Variants in NPAS3 observed in about 807,000 individuals in gnomAD.
The protein encoded by NPAS3 is neuronal PAS domain protein 3.
In NPAS3, 14 loss-of-function variants were observed where a neutral mutation model predicts 73.1. The ratio of observed to expected loss-of-function variants is 0.19; its 90% CI spans 0.13 to 0.30. NPAS3 has a LOEUF of 0.30. NPAS3 is among the 10% of genes least tolerant of loss of function. NPAS3 has a pLI of 1.00. For synonymous variants in NPAS3, 620 were observed against 541.5 expected, an observed-to-expected ratio of 1.14 and a Z score of -2.01; for missense variants, 1,096 against 1,250.0, an observed-to-expected ratio of 0.88 and a Z score of 1.86.
chr14:33,197,852 C>T (rs529267900), intron 2 of NPAS3, among the ~76,000 whole-genome samples: 27 of 152,346 alleles, frequency 1.8e-4, no homozygotes, highest in Non-Finnish European at 2.9e-5. Context: ...GATTCTTGGT[C>T]TCACTGACTT....
intron 2 of NPAS3, among the ~76,000 whole-genome samples, chr14:33,113,874 T>A (rs1337024456): frequency 2.6e-5 from 4 of 152,194 alleles, no homozygotes; most frequent in African/African-American, 9.6e-5. Context: ...GTTTTTAGCA[T>A]GAAGGTTGTT....
intron 2 of NPAS3, among the ~76,000 whole-genome samples, chr14:33,181,023 C>G (rs1174815881): frequency 6.6e-6 from 1 of 152,010 alleles, no homozygotes; most frequent in African/African-American, 2.4e-5. Flanking sequence ...AGAGCACTCC[C>G]CAGTGAAGGA....
chr14:33,550,094 T>C (rs2055039663), intron 4 of NPAS3, among the ~76,000 whole-genome samples: 1 of 152,092 alleles, frequency 6.6e-6, no homozygotes, highest in Non-Finnish European at 1.5e-5. Context: ...ATATCTCAGC[T>C]CAGTCCTTTC....
At chr14:33,314,951 T>C (rs374330664) in intron 3 of NPAS3, among the ~76,000 whole-genome samples, 2 of 152,120 alleles carry the variant, frequency 1.3e-5, no homozygotes, top group East Asian at 3.9e-4. Flanking sequence ...TTTCATGAGG[T>C]TTATAATGTG....
chr14:33,801,076 C>G (rs747538688), exon 12 of NPAS3: 6 of 1,592,524 alleles, frequency 3.8e-6, no homozygotes, highest in Non-Finnish European at 5.1e-6. Flanking sequence ...ACGGCATCCA[C>G]GCGGCACAGA....
intron 2 of NPAS3, among the ~76,000 whole-genome samples, chr14:33,059,121 A>G (rs78002363): frequency 0.018 from 2,732 of 152,294 alleles, 38 homozygotes; most frequent in Middle Eastern, 0.054. Flanking sequence ...AAATATTGCA[A>G]TTCTGGTGCT....
At chr14:33,693,347 G>A in intron 6 of NPAS3, among the ~76,000 whole-genome samples, 1 of 152,194 alleles carries the variant, frequency 6.6e-6, no homozygotes, top group East Asian at 1.9e-4. Context: ...GAAAGCTACA[G>A]TTGCATGCCT....
intron 5 of NPAS3, among the ~76,000 whole-genome samples, chr14:33,573,817 C>G (rs1021019704): frequency 1.3e-5 from 2 of 152,094 alleles, no homozygotes; most frequent in African/African-American, 4.8e-5. Context: ...GGATAGAAAG[C>G]ACCCTCCAAT....
intron 2 of NPAS3, among the ~76,000 whole-genome samples, chr14:33,067,396 TC>T (rs891753771): frequency 1.3e-5 from 2 of 152,230 alleles, no homozygotes; most frequent in African/African-American, 2.4e-5. Flanking sequence ...CAATTAGGTC[TC>T]CCCCTTGGGG....
intron 6 of NPAS3, among the ~76,000 whole-genome samples, chr14:33,701,959 A>C (rs1191082304): frequency 6.6e-6 from 1 of 152,222 alleles, no homozygotes; most frequent in Non-Finnish European, 1.5e-5. Flanking sequence ...ATGTAGAACC[A>C]ACTATATAGG....
At chr14:33,524,901 C>CA (rs1463276341) in intron 4 of NPAS3, among the ~76,000 whole-genome samples, 11 of 152,106 alleles carry the variant, frequency 7.2e-5, no homozygotes, top group Admixed American at 2.0e-4. Flanking sequence ...TATATAGAAA[C>CA]AGTCACATAG....
chr14:33,598,811 T>TA lies in NPAS3; in HGVS notation c.558+38603dup, dbSNP rs1335688873. On this transcript the variant is annotated intron_variant, in intron 5 of 11. Coordinates refer to ENST00000356141, the Ensembl canonical transcript of NPAS3. Reference sequence around the variant, plus strand: ...TTCCATCATTAAATTAACCATGAGTTAATGTGTGACTGTTAAAGAAAACAC... The same window carrying TA: ...TTCCATCATTAAATTAACCATGAGTTAAATGTGTGACTGTTAAAGAAAACAC... Among the ~76,000 whole-genome samples, 10 of 152,316 alleles carry TA rather than the reference T, an allele frequency of 6.6e-5. No individual in the cohort carries two copies. The South Asian group carries it at 1.9e-3, about 28-fold the overall frequency.
At chr14:33,514,441 C>G (rs1442332282) in intron 4 of NPAS3, among the ~76,000 whole-genome samples, 1 of 151,992 alleles carries the variant, frequency 6.6e-6, no homozygotes, top group African/African-American at 2.4e-5. Flanking sequence ...GGATATATAA[C>G]CTTTACCAAG....
chr14:33,700,641 A>G (rs2060500259), intron 6 of NPAS3, among the ~76,000 whole-genome samples: 1 of 152,204 alleles, frequency 6.6e-6, no homozygotes, highest in Admixed American at 6.5e-5. Flanking sequence ...TTAGTTGCTC[A>G]CAAATGGAGG....
intron 1 of NPAS3, among the ~76,000 whole-genome samples, chr14:33,020,927 A>G (rs569651172): frequency 6.6e-6 from 1 of 151,726 alleles, no homozygotes; most frequent in Non-Finnish European, 1.5e-5. Flanking sequence ...CGCCCAGGTA[A>G]TTTTTTGTAT....
intron 7 of NPAS3, among the ~76,000 whole-genome samples, chr14:33,754,324 G>A (rs1443299474): frequency 6.6e-6 from 1 of 152,146 alleles, no homozygotes; most frequent in African/African-American, 2.4e-5. Flanking sequence ...AGCAGAGTAA[G>A]AGCCTTTGGC....
At chr14:33,591,802 AC>A (rs931560360) in intron 5 of NPAS3, among the ~76,000 whole-genome samples, 1 of 152,106 alleles carries the variant, frequency 6.6e-6, no homozygotes, top group African/African-American at 2.4e-5. Context: ...TATGTAACAT[AC>A]CCTTTAACTT....
intron 4 of NPAS3, among the ~76,000 whole-genome samples, chr14:33,423,129 G>A (rs17101078): frequency 0.068 from 10,358 of 152,050 alleles, 423 homozygotes; most frequent in South Asian, 0.15. Flanking sequence ...AAGGCAGGTC[G>A]GAATTCTCCG....
chr14:33,509,511 T>G lies in NPAS3; in HGVS notation c.469-50610T>G, dbSNP rs1035209280. On this transcript the variant is annotated intron_variant, in intron 4 of 11. Coordinates refer to ENST00000356141, the Ensembl canonical transcript of NPAS3. ...TCTGCACCCTTCTCTTCTAGTTCTT[T>G]CTTGTACAAATGACTATATAATTAA... 2.6e-5 allele frequency among the ~76,000 whole-genome samples: 4 copies of G among 152,048 alleles called. No homozygotes were observed. In the East Asian group the frequency reaches 5.8e-4, roughly 22 times the overall value.
Sources: gnomAD v4.1 joint callset for allele counts (sites outside exome capture counted in the v4.1 genomes callset) on GRCh38, gnomAD v4.1.1 for gene constraint, MANE v1.5 for transcripts, NCBI Gene and HGNC (gene_info 2026-07-23, HGNC 2026-07-21) for gene names.